The following CELF2 variants were observed in gnomAD, a reference collection of about 807,000 sequenced individuals.
The protein encoded by CELF2 is CUGBP Elav-like family member 2.
In CELF2, 8 loss-of-function variants were observed where a neutral mutation model predicts 62.6. That is an observed-to-expected ratio of 0.13 (90% CI 0.07 to 0.23). CELF2 has a LOEUF of 0.23. Ranked by LOEUF, CELF2 falls within the 10% of genes least tolerant of loss-of-function variation. The pLI is 1.00. For synonymous variants in CELF2, 258 were observed against 250.0 expected, an observed-to-expected ratio of 1.03 and a Z score of -0.30; for missense variants, 333 against 671.0, an observed-to-expected ratio of 0.50 and a Z score of 5.56.
chr10:11,200,643 A>C (rs2059013981), intron 2 of CELF2, among the ~76,000 whole-genome samples: 1 of 152,194 alleles, frequency 6.6e-6, no homozygotes, highest in Non-Finnish European at 1.5e-5. Context: ...AGATCTCTGC[A>C]AGACATTTCC....
At chr10:10,583,815 T>A in the CELF2 span, among the ~76,000 whole-genome samples, 2 of 152,150 alleles carry the variant, frequency 1.3e-5, no homozygotes, top group African/African-American at 4.8e-5. Flanking sequence ...CCAGGAGATG[T>A]TTCAACCTAA....
At chr10:11,055,227 G>T (rs2064960598) in intron 1 of CELF2, among the ~76,000 whole-genome samples, 1 of 152,178 alleles carries the variant, frequency 6.6e-6, no homozygotes, top group African/African-American at 2.4e-5. Flanking sequence ...TACTTCACTA[G>T]GTGAAAGACA....
At chr10:10,480,362 G>C in the CELF2 span, among the ~76,000 whole-genome samples, 1 of 152,098 alleles carries the variant, frequency 6.6e-6, no homozygotes, top group African/African-American at 2.4e-5. Flanking sequence ...TTGAGAGTCA[G>C]CTCCCCTTAT....
the CELF2 span, among the ~76,000 whole-genome samples, chr10:10,533,124 A>G: frequency 7.0e-4 from 106 of 152,344 alleles, no homozygotes; most frequent in Middle Eastern, 3.4e-3. Context: ...ACAACTTACC[A>G]TAATATAGCT....
At chr10:10,463,852 AT>A in the CELF2 span, among the ~76,000 whole-genome samples, 1 of 150,918 alleles carries the variant, frequency 6.6e-6, no homozygotes, top group Non-Finnish European at 1.5e-5. Flanking sequence ...TGTAGTTTTT[AT>A]TTTTTTATTT....
At chr10:11,100,047 C>CA (rs1445094389) in intron 1 of CELF2, among the ~76,000 whole-genome samples, 1 of 139,114 alleles carries the variant, frequency 7.2e-6, no homozygotes, top group Non-Finnish European at 1.6e-5. Flanking sequence ...CTAAAAAATA[C>CA]AAAAAATAGC....
At chr10:10,962,028 G>A (rs1214340643) in intron 2 of CELF2, among the ~76,000 whole-genome samples, 1 of 151,868 alleles carries the variant, frequency 6.6e-6, no homozygotes, top group Admixed American at 6.6e-5. Context: ...AGGAGTTCAG[G>A]ACCAGCCTGG....
At chr10:10,681,800 C>A in the CELF2 span, among the ~76,000 whole-genome samples, 1 of 152,156 alleles carries the variant, frequency 6.6e-6, no homozygotes, top group Non-Finnish European at 1.5e-5. Context: ...GCTCCTAATT[C>A]ATCAATCTTA....
At chr10:10,795,313 A>T (rs1368433956), upstream of CELF2, among the ~76,000 whole-genome samples, 1 of 152,064 alleles carries the variant, frequency 6.6e-6, no homozygotes, top group Non-Finnish European at 1.5e-5. Context: ...ATGCCAAAAA[A>T]AATTTTTTTT....
At chr10:10,510,391 G>C in the CELF2 span, among the ~76,000 whole-genome samples, 1 of 152,212 alleles carries the variant, frequency 6.6e-6, no homozygotes, top group South Asian at 2.1e-4. Context: ...TGTTTGTGTG[G>C]TCCTGCCTAG....
intron 2 of CELF2, among the ~76,000 whole-genome samples, chr10:11,187,278 T>A (rs1455707114): frequency 2.0e-5 from 3 of 152,190 alleles, no homozygotes; most frequent in Non-Finnish European, 4.4e-5. Flanking sequence ...TTGGTGGTTT[T>A]GAAATGACCT....
the CELF2 span, among the ~76,000 whole-genome samples, chr10:10,615,791 A>G: frequency 6.6e-6 from 1 of 152,118 alleles, no homozygotes; most frequent in Non-Finnish European, 1.5e-5. Flanking sequence ...CCTCCCCAGA[A>G]GCCTGTACAG....
chr10:10,859,848 T>C (rs2059953776), intron 1 of CELF2, among the ~76,000 whole-genome samples: 2 of 152,158 alleles, frequency 1.3e-5, no homozygotes, highest in Admixed American at 1.3e-4. Flanking sequence ...AGTAAAATAA[T>C]GTTTATTTCC....
chr10:10,624,623 A>C, the CELF2 span, among the ~76,000 whole-genome samples: 1 of 152,234 alleles, frequency 6.6e-6, no homozygotes, highest in African/African-American at 2.4e-5. Context: ...TTTTCCGCAC[A>C]GAAACCTAGT....
intron 1 of CELF2, among the ~76,000 whole-genome samples, chr10:10,887,135 C>CTT (rs200724085): frequency 2.7e-5 from 4 of 146,008 alleles, no homozygotes; most frequent in Non-Finnish European, 3.0e-5. Context: ...CATTGTTACT[C>CTT]TTTTTTTTTT....
the CELF2 span, among the ~76,000 whole-genome samples, chr10:10,607,430 G>A: frequency 6.6e-6 from 1 of 152,130 alleles, no homozygotes; most frequent in Admixed American, 6.5e-5. Flanking sequence ...TGAAATTACA[G>A]GTTTATTCTT....
chr10:11,319,276 C>T lies in CELF2; in HGVS notation c.1097-1913C>T, dbSNP rs939583079. On this transcript the variant is annotated intron_variant, in intron 10 of 12. Coordinates refer to ENST00000633077, the MANE Select transcript of CELF2 (RefSeq NM_001326342.2). The surrounding 1 kb of genome is among the most constrained non-coding windows in gnomAD (Gnocchi z 4.4). ...AGCCCTTCCCGAGTTATTGTACATA[C>T]CCCTCTCACCTATCTCAAAAAACAC... is the stretch of plus-strand genomic sequence containing the variant. The T allele has an allele frequency of 5.5e-6, 2 of 363,228 alleles. No homozygotes were observed. Among genetic ancestry groups the T allele is most frequent in the Admixed American group, 7.6e-5 (2 of 26,256 alleles). The allele number at this position is 363,228 out of a possible 1,614,324, so 22.5% of individuals were successfully genotyped here.
chr10:11,080,308 T>C (rs541936928), intron 1 of CELF2, among the ~76,000 whole-genome samples: 20 of 149,538 alleles, frequency 1.3e-4, no homozygotes, highest in Middle Eastern at 6.8e-3. Context: ...ACAAGTCTTT[T>C]ACAGTCATGA....
intron 1 of CELF2, among the ~76,000 whole-genome samples, chr10:10,871,456 T>G (rs1460216246): frequency 2.0e-5 from 3 of 152,210 alleles, no homozygotes; most frequent in African/African-American, 7.2e-5. Flanking sequence ...TAACACAGTC[T>G]GAAAAGCACA....
Sources: gnomAD v4.1 joint callset for allele counts (sites outside exome capture counted in the v4.1 genomes callset) on GRCh38, gnomAD v4.1.1 for gene constraint, Gnocchi (gnomAD v3.1) non-coding constraint, MANE v1.5 for transcripts, NCBI Gene and HGNC (gene_info 2026-07-23, HGNC 2026-07-21) for gene names.